PRKG1: variants seen among roughly 807,000 people sequenced by gnomAD.
The protein encoded by PRKG1 is cGMP-dependent protein kinase 1.
A neutral mutation model predicts 88.1 loss-of-function variants in PRKG1; 35 were observed. The ratio of observed to expected loss-of-function variants is 0.40; its 90% CI spans 0.30 to 0.53. The LOEUF (loss-of-function observed/expected upper bound fraction) is 0.53. Among genes scored for constraint, PRKG1 ranks in the 20% least tolerant of loss-of-function variants. PRKG1 has a pLI of 0.59. For missense variants in PRKG1, 540 were observed against 839.8 expected (o/e 0.64, Z 4.41); for synonymous variants, 303 against 292.5 (o/e 1.04, Z -0.37).
intron 3 of PRKG1, among the ~76,000 whole-genome samples, chr10:51,732,536 A>C (rs1341127252): frequency 6.6e-6 from 1 of 152,212 alleles, no homozygotes; most frequent in Non-Finnish European, 1.5e-5. Context: ...GAGATTCAAG[A>C]AAGTGAAATT....
intron 1 of PRKG1, among the ~76,000 whole-genome samples, chr10:51,115,610 C>A (rs1454375876): frequency 6.6e-6 from 1 of 150,844 alleles, no homozygotes; most frequent in Non-Finnish European, 1.5e-5. Flanking sequence ...GAGGCCGAGG[C>A]GGGAGGATCA....
chr10:52,227,415 C>G (rs946298996), intron 9 of PRKG1, among the ~76,000 whole-genome samples: 5 of 152,146 alleles, frequency 3.3e-5, no homozygotes, highest in African/African-American at 1.2e-4. Flanking sequence ...CATGTACATA[C>G]TTTTCTTTCT....
At chr10:51,944,611 T>C (rs1212630310) in intron 5 of PRKG1, among the ~76,000 whole-genome samples, 2 of 152,134 alleles carry the variant, frequency 1.3e-5, no homozygotes, top group Admixed American at 6.5e-5. Context: ...AATTTCCTTC[T>C]ACACACTGCT....
intron 7 of PRKG1, among the ~76,000 whole-genome samples, chr10:52,130,990 C>T (rs1327451474): frequency 6.6e-6 from 1 of 152,158 alleles, no homozygotes; most frequent in Non-Finnish European, 1.5e-5. Context: ...GTTTGATTAT[C>T]TCACTTAATA....
intron 3 of PRKG1, among the ~76,000 whole-genome samples, chr10:51,794,266 A>C (rs1838950369): frequency 6.6e-6 from 1 of 152,142 alleles, no homozygotes; most frequent in Admixed American, 6.6e-5. Context: ...AAGACAGAAG[A>C]CTTCAACACC....
intron 9 of PRKG1, among the ~76,000 whole-genome samples, chr10:52,188,149 T>G (rs1487099912): frequency 6.6e-6 from 1 of 150,376 alleles, no homozygotes; most frequent in Non-Finnish European, 1.5e-5. Flanking sequence ...TGTGCACTTT[T>G]TCATATTCAC....
intron 5 of PRKG1, among the ~76,000 whole-genome samples, chr10:52,038,344 G>A (rs369909138): frequency 1.2e-3 from 187 of 151,662 alleles, no homozygotes; most frequent in African/African-American, 3.4e-3. Flanking sequence ...AGGTTGGGGC[G>A]CAGAGATAAG....
intron 3 of PRKG1, among the ~76,000 whole-genome samples, chr10:51,675,893 G>A (rs527481975): frequency 6.6e-6 from 1 of 152,118 alleles, no homozygotes; most frequent in East Asian, 1.9e-4. Context: ...AATCCTCCCA[G>A]TCAAGCCTTG....
At chr10:51,153,838 G>A (rs915615475) in intron 2 of PRKG1, among the ~76,000 whole-genome samples, 1 of 152,026 alleles carries the variant, frequency 6.6e-6, no homozygotes, top group Admixed American at 6.6e-5. Flanking sequence ...TAATAGGAAT[G>A]ATAGCTTGTT....
intron 1 of PRKG1, among the ~76,000 whole-genome samples, chr10:51,110,659 T>C (rs1819707410): frequency 6.6e-6 from 1 of 152,166 alleles, no homozygotes; most frequent in Non-Finnish European, 1.5e-5. Context: ...TATCGATTTA[T>C]ATATTTTGTA....
At chr10:52,068,807 G>A (rs900576528) in intron 7 of PRKG1, among the ~76,000 whole-genome samples, 1 of 152,186 alleles carries the variant, frequency 6.6e-6, no homozygotes, top group Admixed American at 6.5e-5. Flanking sequence ...CTTTCAGCAA[G>A]CCAGTTAAGC....
intron 5 of PRKG1, among the ~76,000 whole-genome samples, chr10:51,944,861 A>C (rs1220449720): frequency 2.0e-5 from 3 of 151,564 alleles, no homozygotes; most frequent in African/African-American, 7.3e-5. Context: ...TGCTGAGGAG[A>C]GCTTTACTTC....
chr10:51,992,717 G>A (rs1844344667), intron 5 of PRKG1, among the ~76,000 whole-genome samples: 1 of 152,160 alleles, frequency 6.6e-6, no homozygotes, highest in Non-Finnish European at 1.5e-5. Context: ...TGTAGCGTAT[G>A]TGTGTCTCTG....
intron 5 of PRKG1, among the ~76,000 whole-genome samples, chr10:52,049,041 A>G (rs1358860971): frequency 6.6e-6 from 1 of 152,190 alleles, no homozygotes; most frequent in East Asian, 1.9e-4. Flanking sequence ...AAAGACTGTG[A>G]TAGAAGACTC....
chr10:51,179,852 G>T (rs1047076533), intron 2 of PRKG1, among the ~76,000 whole-genome samples: 2 of 152,116 alleles, frequency 1.3e-5, no homozygotes, highest in African/African-American at 4.8e-5. Flanking sequence ...GCTCCCCCAA[G>T]AAGCTGTTTC....
At chr10:51,259,843 G>A (rs997513663) in intron 2 of PRKG1, among the ~76,000 whole-genome samples, 4 of 152,146 alleles carry the variant, frequency 2.6e-5, no homozygotes, top group African/African-American at 9.7e-5. Context: ...GCCCCATATG[G>A]AGGTGTATCT....
intron 3 of PRKG1, among the ~76,000 whole-genome samples, chr10:51,679,756 G>A (rs1840800028): frequency 7.1e-6 from 1 of 140,722 alleles, no homozygotes; most frequent in Non-Finnish European, 1.5e-5. Flanking sequence ...AAGTTTTAGG[G>A]TACATGTGCA....
intron 3 of PRKG1, among the ~76,000 whole-genome samples, chr10:51,592,114 A>T (rs1399643711): frequency 6.6e-6 from 1 of 152,220 alleles, no homozygotes; most frequent in Non-Finnish European, 1.5e-5. Flanking sequence ...GAAAGAACTC[A>T]AACTGGGAAA....
intron 4 of PRKG1, among the ~76,000 whole-genome samples, chr10:51,830,560 G>GTT (rs531412645): frequency 1.2e-3 from 101 of 83,634 alleles, no homozygotes; most frequent in Non-Finnish European, 1.7e-3. Context: ...TTTTTTTTTT[G>GTT]TTTTTTTTTT....
Sources: gnomAD v4.1 joint callset for allele counts (sites outside exome capture counted in the v4.1 genomes callset) on GRCh38, gnomAD v4.1.1 for gene constraint, MANE v1.5 for transcripts, NCBI Gene and HGNC (gene_info 2026-07-23, HGNC 2026-07-21) for gene names.